CNTN6: variants seen among roughly 807,000 people sequenced by gnomAD.
CNTN6 encodes the protein contactin 6.
CNTN6 carries 137 observed loss-of-function variants against 122.8 expected under a neutral mutation model. The ratio of observed to expected loss-of-function variants is 1.12; its 90% confidence interval spans 0.97 to 1.29. The LOEUF (loss-of-function observed/expected upper bound fraction) is 1.29. Ranked by LOEUF, CNTN6 falls within the 50% of genes most tolerant of loss-of-function variation. The probability of loss-of-function intolerance (pLI) is 0.00; values close to 1 mark genes in which losing one functional copy is unlikely to be tolerated. For missense variants in CNTN6, 1,634 were observed against 1,223.4 expected (o/e 1.34, Z -5.01); for synonymous variants, 570 against 426.0 (o/e 1.34, Z -4.16).
intron 4 of CNTN6, among the ~76,000 whole-genome samples, chr3:1,242,927 C>T (rs1035992561): frequency 4.9e-5 from 7 of 141,532 alleles, no homozygotes; most frequent in Non-Finnish European, 7.6e-5. Flanking sequence ...GGAAACAGGC[C>T]CTTGAAAAGA....
At chr3:1,401,611 C>A (rs894012808) in intron 21 of CNTN6, 66 bp downstream of exon 21, 8 of 1,096,960 alleles carry the variant, frequency 7.3e-6, no homozygotes, top group Admixed American at 2.4e-5. Flanking sequence ...ATGTGACACC[C>A]AAATGGAAAA....
chr3:1,137,940 G>T (rs114469610), intron 1 of CNTN6, among the ~76,000 whole-genome samples: 1,879 of 152,266 alleles, frequency 0.012, 49 homozygotes, highest in African/African-American at 0.042. Context: ...TTGCTCTCCT[G>T]AGACACAAAT....
At chr3:1,278,388 A>G in intron 4 of CNTN6, 25 bp from the exon 5 acceptor site, 2 of 1,458,684 alleles carry the variant, frequency 1.4e-6, no homozygotes, top group Non-Finnish European at 1.9e-6. Flanking sequence ...ACTAATTATA[A>G]ATCTGCTTTT....
At chr3:1,132,893 C>A (rs540138293) in intron 1 of CNTN6, among the ~76,000 whole-genome samples, 1 of 152,168 alleles carries the variant, frequency 6.6e-6, no homozygotes, top group Non-Finnish European at 1.5e-5. Flanking sequence ...CTCCTGAATT[C>A]TATCAAGATA....
intron 4 of CNTN6, among the ~76,000 whole-genome samples, chr3:1,276,030 T>C (rs1309131793): frequency 2.0e-5 from 3 of 152,146 alleles, no homozygotes. Context: ...AATAATTTGT[T>C]CCAATTAGAC....
chr3:1,172,931 C>T (rs2093384753), intron 2 of CNTN6, among the ~76,000 whole-genome samples: 1 of 152,168 alleles, frequency 6.6e-6, no homozygotes, highest in Non-Finnish European at 1.5e-5. Context: ...AATCTCTGCC[C>T]ATTTTCACAT....
rs76747049 is a variant in CNTN6, at chr3:1,267,289, C to G, written c.359-11124C>G. On this transcript the variant is annotated intron_variant, in intron 4 of 22. Transcript: ENST00000446702. ...GCAGGGAAAGTGGTATCCTGAATAG[C>G]TGAAAATGAATCAGAGCTGGGTAGT... Among the ~76,000 whole-genome samples, 602 of 152,188 alleles carry G rather than the reference C, an allele frequency of 4.0e-3. 16 individuals are homozygous for G. Among genetic ancestry groups the G allele is most frequent in the Admixed American group, 0.035 (534 of 15,284 alleles).
chr3:1,398,290 A>G (rs17038701), intron 20 of CNTN6, among the ~76,000 whole-genome samples: 6,835 of 152,268 alleles, frequency 0.045, 161 homozygotes, highest in South Asian at 0.056. Flanking sequence ...AGCAGCTTTC[A>G]GAAGTTTTAT....
chr3:1,384,437 A>G (rs970748377), intron 19 of CNTN6, among the ~76,000 whole-genome samples: 1 of 152,056 alleles, frequency 6.6e-6, no homozygotes, highest in Non-Finnish European at 1.5e-5. Context: ...ATGAAAAAAA[A>G]TACCTAGATT....
chr3:1,116,762 T>G (rs2091736956), intron 1 of CNTN6, among the ~76,000 whole-genome samples: 1 of 138,494 alleles, frequency 7.2e-6, no homozygotes, highest in African/African-American at 2.7e-5. Flanking sequence ...TGGAGTGCAG[T>G]GGCATAATCT....
intron 5 of CNTN6, among the ~76,000 whole-genome samples, chr3:1,284,543 A>C (rs1694024212): frequency 6.6e-6 from 1 of 152,184 alleles, no homozygotes; most frequent in African/African-American, 2.4e-5. Context: ...TTCACTCAAC[A>C]AATATTTATT....
intron 12 of CNTN6, among the ~76,000 whole-genome samples, chr3:1,359,999 C>T (rs1200673441): frequency 1.3e-5 from 2 of 152,048 alleles, no homozygotes; most frequent in African/African-American, 2.4e-5. Flanking sequence ...CGCTCCATTG[C>T]CTAACTCCAT....
chr3:1,368,566 C>T (rs1171731679), intron 12 of CNTN6, among the ~76,000 whole-genome samples: 1 of 151,794 alleles, frequency 6.6e-6, no homozygotes, highest in Non-Finnish European at 1.5e-5. Flanking sequence ...CTTGCATTTG[C>T]CAGGAGTGAC....
At chr3:1,122,319 G>A in intron 1 of CNTN6, among the ~76,000 whole-genome samples, 1 of 149,146 alleles carries the variant, frequency 6.7e-6, no homozygotes, top group East Asian at 1.9e-4. Flanking sequence ...GGAAAAAAAG[G>A]AAAGAAAGAA....
At position 1,355,631 on chromosome 3, in the gene CNTN6, G is replaced by T. The variant is rs545631131; in HGVS notation, c.1492+3180G>T. Among the ~76,000 whole-genome samples the T allele has an allele frequency of 3.3e-5, 5 of 151,808 alleles. No homozygotes were observed. In the East Asian group the frequency reaches 7.8e-4, roughly 24 times the overall value. ...ATTTTCTCATCAGTAATATTCATAT[G>T]ATTGCTGTTACAGAATCAAATATAA... On this transcript the variant is annotated intron_variant, in intron 12 of 22. Coordinates refer to ENST00000446702, the MANE Select transcript of CNTN6 (RefSeq NM_001289080.2).
intron 7 of CNTN6, among the ~76,000 whole-genome samples, chr3:1,303,253 T>C (rs1697743107): frequency 6.6e-6 from 1 of 152,190 alleles, no homozygotes; most frequent in Admixed American, 6.5e-5. Context: ...AGCCTGATAG[T>C]CCTAAAAGTT....
At position 1,258,386 on chromosome 3, in the gene CNTN6, G is replaced by A. The variant is rs9917727; in HGVS notation, c.359-20027G>A. ...AAAGATAGTTGAGGTTCTGCAAAAA[G>A]TGTCAAAGCTTAGCAATAAAATAAG... is the stretch of plus-strand genomic sequence containing the variant. On this transcript the variant is annotated intron_variant, in intron 4 of 22. Transcript: ENST00000446702. Among the ~76,000 whole-genome samples, 459 of 152,212 alleles carry A rather than the reference G, an allele frequency of 3.0e-3. 6 individuals are homozygous for A. Among genetic ancestry groups the A allele is most frequent in the African/African-American group, 0.01 (432 of 41,548 alleles).
At chr3:1,147,516 C>T (rs1301611942) in intron 1 of CNTN6, among the ~76,000 whole-genome samples, 1 of 152,058 alleles carries the variant, frequency 6.6e-6, no homozygotes, top group Non-Finnish European at 1.5e-5. Context: ...AAAGGCCAAA[C>T]TAACATTTTA....
intron 12 of CNTN6, among the ~76,000 whole-genome samples, chr3:1,364,476 A>T (rs887490407): frequency 2.0e-4 from 31 of 151,776 alleles, no homozygotes; most frequent in African/African-American, 7.2e-4. Context: ...CTGAAAAGTG[A>T]CATTGATAAG....
Sources: gnomAD v4.1 joint callset for allele counts (sites outside exome capture counted in the v4.1 genomes callset) on GRCh38, gnomAD v4.1.1 for gene constraint, MANE v1.5 for transcripts, NCBI Gene and HGNC (gene_info 2026-07-23, HGNC 2026-07-21) for gene names.